Variants in CCDC60 observed in about 807,000 individuals in gnomAD.
The protein encoded by CCDC60 is coiled-coil domain containing 60.
In CCDC60, 54 loss-of-function variants were observed where a neutral mutation model predicts 63.5. The ratio of observed to expected loss-of-function variants is 0.85; its 90% CI spans 0.68 to 1.07. The LOEUF (loss-of-function observed/expected upper bound fraction) is 1.07. CCDC60 is among the 50% of genes least tolerant of loss of function. The pLI, the probability that CCDC60 is intolerant of heterozygous loss-of-function variation, is 0.00. For synonymous variants in CCDC60, 206 were observed against 238.8 expected (o/e 0.86, Z 1.27); for missense variants, 651 against 684.3 (o/e 0.95, Z 0.54).
intron 1 of CCDC60, among the ~76,000 whole-genome samples, chr12:119,353,846 G>T (rs1955687959): frequency 6.6e-6 from 1 of 152,124 alleles, no homozygotes. Context: ...GCCAAGGCGA[G>T]TGGATCGCCT....
At chr12:119,512,621 T>G (rs1331219513) in intron 7 of CCDC60, among the ~76,000 whole-genome samples, 1 of 152,184 alleles carries the variant, frequency 6.6e-6, no homozygotes, top group Non-Finnish European at 1.5e-5. Flanking sequence ...ATGTGATAGA[T>G]CTATCAAAAG....
At chr12:119,536,350 G>A (rs1259141811) in intron 13 of CCDC60, among the ~76,000 whole-genome samples, 2 of 152,124 alleles carry the variant, frequency 1.3e-5, no homozygotes, top group Non-Finnish European at 2.9e-5. Flanking sequence ...CATAGTGATG[G>A]ATCTTGACTC....
chr12:119,413,175 G>A (rs773639538), intron 1 of CCDC60, among the ~76,000 whole-genome samples: 3 of 152,138 alleles, frequency 2.0e-5, no homozygotes, highest in Non-Finnish European at 2.9e-5. Context: ...TGAGATTAAT[G>A]CATTTGATTA....
chr12:119,456,060 A>T lies in CCDC60; in HGVS notation c.171-15934A>T, dbSNP rs55748394. On this transcript the variant is annotated intron_variant, in intron 2 of 13. Transcript: ENST00000327554. The surrounding 1 kb of genome is among the most constrained non-coding windows in gnomAD (Gnocchi z 4.6). Reference sequence around the variant, plus strand: ...GAAAGAAAGAAAGAAAGAAAGAAAGAAAGCAAGCAAGCATGTGCAATTTCA... The same window carrying T: ...GAAAGAAAGAAAGAAAGAAAGAAAGTAAGCAAGCAAGCATGTGCAATTTCA... Among the ~76,000 whole-genome samples, 1 of 118,784 alleles carries T rather than the reference A, an allele frequency of 8.4e-6. No homozygotes were observed. Among genetic ancestry groups the T allele is most frequent in the Non-Finnish European group, 1.8e-5 (1 of 56,408 alleles). 77.9% of individuals were successfully genotyped at this position (118,784 alleles called of 152,430 possible). A position where few individuals can be genotyped will look rare whatever the true frequency, so the allele number is the denominator to read the frequency against.
chr12:119,374,325 T>G lies in CCDC60; in HGVS notation c.90+39059T>G, dbSNP rs535109107. On this transcript the variant is annotated intron_variant, in intron 1 of 13. Transcript: ENST00000327554. ...TCATCCATGGCAGCCATGAAGAAAT[T>G]ACCTATAAGGGTCAATGCTATTACT... Among the ~76,000 whole-genome samples, 252 of 152,336 alleles carry G rather than the reference T, an allele frequency of 1.7e-3. 2 individuals are homozygous for G. Among genetic ancestry groups the G allele is most frequent in the Admixed American group, 5.1e-3 (78 of 15,302 alleles).
At chr12:119,339,230 T>C (rs1210945875) in intron 1 of CCDC60, among the ~76,000 whole-genome samples, 3 of 152,176 alleles carry the variant, frequency 2.0e-5, no homozygotes, top group African/African-American at 7.2e-5. Context: ...CCACGATTTC[T>C]GCCTTGGAAA....
At chr12:119,422,424 G>A (rs533313796) in intron 1 of CCDC60, among the ~76,000 whole-genome samples, 11 of 152,282 alleles carry the variant, frequency 7.2e-5, no homozygotes, top group Middle Eastern at 6.8e-3. Context: ...TCACAGTTTC[G>A]CAGGCTGCAC....
At chr12:119,519,574 C>T (rs533875998) in intron 8 of CCDC60, among the ~76,000 whole-genome samples, 50 of 151,034 alleles carry the variant, frequency 3.3e-4, no homozygotes, top group Non-Finnish European at 5.5e-4. Flanking sequence ...GCGATTCTTC[C>T]ACCTCAGCCT....
intron 1 of CCDC60, among the ~76,000 whole-genome samples, chr12:119,407,063 AG>A (rs1956505794): frequency 6.6e-6 from 1 of 152,186 alleles, no homozygotes; most frequent in Non-Finnish European, 1.5e-5. Context: ...GGGTCAGCAG[AG>A]AACACCGAGG....
At chr12:119,466,836 T>C (rs1213150866) in intron 2 of CCDC60, among the ~76,000 whole-genome samples, 1 of 152,152 alleles carries the variant, frequency 6.6e-6, no homozygotes, top group Non-Finnish European at 1.5e-5. Flanking sequence ...AGGTAGGAGG[T>C]GGGACTTAAC....
At chr12:119,515,646 T>C (rs1952334683) in intron 7 of CCDC60, among the ~76,000 whole-genome samples, 1 of 152,028 alleles carries the variant, frequency 6.6e-6, no homozygotes, top group African/African-American at 2.4e-5. Context: ...ATATTAAATA[T>C]GAAAATAAAA....
At chr12:119,515,738 A>G (rs1022679775) in intron 7 of CCDC60, among the ~76,000 whole-genome samples, 1 of 152,226 alleles carries the variant, frequency 6.6e-6, no homozygotes, top group Non-Finnish European at 1.5e-5. Context: ...TCCAGCATGC[A>G]GCAGGAATGG....
At chr12:119,432,913 C>T (rs766502222) in intron 2 of CCDC60, among the ~76,000 whole-genome samples, 5 of 152,104 alleles carry the variant, frequency 3.3e-5, no homozygotes, top group Non-Finnish European at 5.9e-5. Flanking sequence ...AGAACTCATA[C>T]CTTCCTAATT....
chr12:119,499,008 G>C (rs574584504), intron 5 of CCDC60, among the ~76,000 whole-genome samples: 1 of 152,242 alleles, frequency 6.6e-6, no homozygotes, highest in Non-Finnish European at 1.5e-5. Context: ...AGCTACTTCT[G>C]GTCTTTATTT....
At chr12:119,465,944 A>T (rs1191056207) in intron 2 of CCDC60, among the ~76,000 whole-genome samples, 1 of 152,236 alleles carries the variant, frequency 6.6e-6, no homozygotes, top group Non-Finnish European at 1.5e-5. Context: ...GTGCAAAGCC[A>T]ACATTTTGGT....
At chr12:119,496,592 G>A (rs1029494589) in intron 5 of CCDC60, among the ~76,000 whole-genome samples, 1 of 152,190 alleles carries the variant, frequency 6.6e-6, no homozygotes. Context: ...TAGCTGAACT[G>A]TATTCAGCTC....
intron 11 of CCDC60, among the ~76,000 whole-genome samples, chr12:119,524,133 C>T (rs151179804): frequency 2.5e-3 from 379 of 152,042 alleles, no homozygotes; most frequent in African/African-American, 8.5e-3. Context: ...TTAGATGAGT[C>T]CTGAAGGATG....
intron 3 of CCDC60, among the ~76,000 whole-genome samples, chr12:119,473,927 C>T (rs1951120627): frequency 6.6e-6 from 1 of 152,296 alleles, no homozygotes; most frequent in African/African-American, 2.4e-5. Context: ...CTGCTATAAA[C>T]ATGCATGTGC....
chr12:119,364,299 G>A (rs181021817), intron 1 of CCDC60, among the ~76,000 whole-genome samples: 31 of 152,094 alleles, frequency 2.0e-4, no homozygotes, highest in African/African-American at 4.3e-4. Context: ...ATGCACCCAC[G>A]TAACCACCAT....
Sources: allele counts gnomAD v4.1 joint callset (sites outside exome capture counted in the v4.1 genomes callset), GRCh38; gene constraint gnomAD v4.1.1; non-coding constraint Gnocchi (gnomAD v3.1); transcripts MANE v1.5; gene names NCBI Gene and HGNC (gene_info 2026-07-23, HGNC 2026-07-21).